The following AGAP1 variants were observed in gnomAD, a reference collection of about 807,000 sequenced individuals.
The protein encoded by AGAP1 is arf-GAP with GTPase, ANK repeat and PH domain-containing protein 1.
In AGAP1, 29 loss-of-function variants were observed where a neutral mutation model predicts 105.3. The ratio of observed to expected loss-of-function variants is 0.28; its 90% CI spans 0.21 to 0.38. AGAP1 has a LOEUF of 0.38. Ranked by LOEUF, AGAP1 falls within the 10% of genes least tolerant of loss-of-function variation. The pLI, the probability that AGAP1 is intolerant of heterozygous loss-of-function variation, is 1.00. For synonymous variants in AGAP1, 509 were observed against 485.9 expected, an observed-to-expected ratio of 1.05 and a Z score of -0.63; for missense variants, 998 against 1,165.1, an observed-to-expected ratio of 0.86 and a Z score of 2.09.
intron 16 of AGAP1, among the ~76,000 whole-genome samples, chr2:236,079,522 C>T (rs959908141): frequency 6.1e-5 from 9 of 148,474 alleles, no homozygotes; most frequent in African/African-American, 2.0e-4. Flanking sequence ...TGACAGAGAC[C>T]TCGTCTCAAA....
chr2:235,647,821 G>A (rs988796400), intron 1 of AGAP1, among the ~76,000 whole-genome samples: 5 of 152,086 alleles, frequency 3.3e-5, no homozygotes, highest in Admixed American at 3.3e-4. Flanking sequence ...TGACCAGTGT[G>A]TGGAGACCCT....
Position 235,963,322 on chromosome 2 carries a change from C to T in AGAP1, c.1484-5140C>T, listed in dbSNP as rs1171636011. Among the ~76,000 whole-genome samples, 5 of 152,112 alleles carry T rather than the reference C, an allele frequency of 3.3e-5. No homozygotes were observed. Among genetic ancestry groups the T allele is most frequent in the African/African-American group, 1.2e-4 (5 of 41,406 alleles). ...GACGTGCCATTTTGATTTCCAGAAA[C>T]GTGAATTCTGAGCTAGATGCCAGTG... On this transcript the variant is annotated intron_variant, in intron 12 of 17. Transcript: ENST00000304032. The surrounding 1 kb of genome is among the most constrained non-coding windows in gnomAD (Gnocchi z 5.1).
At position 236,050,711 on chromosome 2, in the gene AGAP1, C is replaced by G. The variant is rs2057872389; in HGVS notation, c.2114+1430C>G. On this transcript the variant is annotated intron_variant, in intron 16 of 17. Coordinates refer to ENST00000304032, the MANE Select transcript of AGAP1 (RefSeq NM_001037131.3). The surrounding 1 kb of genome is among the most constrained non-coding windows in gnomAD (Gnocchi z 4.0). Reference sequence around the variant, plus strand: ...TGAATGCAGAAAACATTGAAATAAGCTGGAAAAATCTATGCATCTTACTGT... The same window carrying G: ...TGAATGCAGAAAACATTGAAATAAGGTGGAAAAATCTATGCATCTTACTGT... Among the ~76,000 whole-genome samples, 1 of 152,080 alleles carries G rather than the reference C, an allele frequency of 6.6e-6. No individual in the cohort carries two copies. The highest frequency in any genetic ancestry group is 2.4e-5 in the African/African-American group (1 of 41,408).
chr2:235,831,063 C>T (rs182403120), intron 9 of AGAP1, among the ~76,000 whole-genome samples: 1 of 152,166 alleles, frequency 6.6e-6, no homozygotes, highest in East Asian at 1.9e-4. Flanking sequence ...CAGGAGCACA[C>T]CCCATGAGAG....
rs1211766701 is a variant in AGAP1 at position 235,936,389 on chromosome 2, C to T, written c.1483+5466C>T. Among the ~76,000 whole-genome samples the T allele has an allele frequency of 6.6e-6, 1 of 152,218 alleles. No individual in the cohort carries two copies. The highest frequency in any genetic ancestry group is 1.5e-5 in the Non-Finnish European group (1 of 68,052). On this transcript the variant is annotated intron_variant, in intron 12 of 17. Transcript: ENST00000304032. This position sits in a 1 kb window ranked among gnomAD's most constrained non-coding sequence, Gnocchi z 4.7. ...TCCAGTAGACTCTGTGGTTATAAAG[C>T]AGCCGATCCTCAATGGAAAGCATTT...
chr2:235,663,328 C>T lies in AGAP1; in HGVS notation c.164-45851C>T, dbSNP rs181477880. On this transcript the variant is annotated intron_variant, in intron 1 of 17. Coordinates refer to ENST00000304032, the MANE Select transcript of AGAP1 (RefSeq NM_001037131.3). The surrounding 1 kb of genome is among the most constrained non-coding windows in gnomAD (Gnocchi z 5.4). ...CTGTCTCAAAAAAAAAGAAGGGGAG[C>T]GATCACGTGCATCCCTCTGCTGAGA... Among the ~76,000 whole-genome samples the T allele has an allele frequency of 1.3e-5, 2 of 152,074 alleles. No individual in the cohort carries two copies. The highest frequency in any genetic ancestry group is 1.5e-5 in the Non-Finnish European group (1 of 68,014).
rs778241352 is a variant in AGAP1 at position 235,979,307 on chromosome 2, G to A, written c.1645+10684G>A. ...TTTTTAAGGGCAGTTTGAGGTTGGAGGGAGGAGGGTGGTGATTGATTAAGC... is the reference window on the plus strand; with the variant it reads ...TTTTTAAGGGCAGTTTGAGGTTGGAAGGAGGAGGGTGGTGATTGATTAAGC... On this transcript the variant is annotated intron_variant, in intron 13 of 17. Coordinates refer to ENST00000304032, the MANE Select transcript of AGAP1 (RefSeq NM_001037131.3). The surrounding 1 kb of genome is among the most constrained non-coding windows in gnomAD (Gnocchi z 4.5). Among the ~76,000 whole-genome samples, 1 of 152,076 alleles carries A rather than the reference G, an allele frequency of 6.6e-6. No individual in the cohort carries two copies. Among genetic ancestry groups the A allele is most frequent in the Non-Finnish European group, 1.5e-5 (1 of 68,002 alleles).
At position 235,919,878 on chromosome 2, in the gene AGAP1, T is replaced by C. The variant is rs772586593; in HGVS notation, c.1325-10887T>C. Among the ~76,000 whole-genome samples, 8 of 152,208 alleles carry C rather than the reference T, an allele frequency of 5.3e-5. No individual in the cohort carries two copies. Among genetic ancestry groups the C allele is most frequent in the Non-Finnish European group, 1.2e-4 (8 of 68,044 alleles). On this transcript the variant is annotated intron_variant, in intron 11 of 17. Transcript: ENST00000304032. This position sits in a 1 kb window ranked among gnomAD's most constrained non-coding sequence, Gnocchi z 4.1. ...CCTCGCTGTTGCATCAGCTTGTCCATATAACCCATACCAGGAGATGGATTG... is the reference window on the plus strand; with the variant it reads ...CCTCGCTGTTGCATCAGCTTGTCCACATAACCCATACCAGGAGATGGATTG...
chr2:236,084,799 G>C (rs1244529398), intron 16 of AGAP1, among the ~76,000 whole-genome samples: 2 of 152,064 alleles, frequency 1.3e-5, no homozygotes, highest in African/African-American at 4.8e-5. Context: ...AGCTATTCGG[G>C]AGGCTGAGGT....
At chr2:236,049,343 T>G in intron 16 of AGAP1, 62 bp downstream of exon 16, 1 of 1,479,008 alleles carries the variant, frequency 6.8e-7, no homozygotes, top group South Asian at 1.2e-5. Context: ...CAACTGGAAG[T>G]GATCATAATG....
intron 16 of AGAP1, among the ~76,000 whole-genome samples, chr2:236,106,362 G>C (rs567902863): frequency 2.4e-4 from 37 of 152,226 alleles, no homozygotes; most frequent in Non-Finnish European, 4.7e-4. Flanking sequence ...GCTCACCAGA[G>C]CCGGCCTAAG....
At chr2:235,511,952 ATG>A (rs1183557567) in intron 1 of AGAP1, among the ~76,000 whole-genome samples, 10 of 145,364 alleles carry the variant, frequency 6.9e-5, no homozygotes, top group Admixed American at 2.8e-4. Context: ...GTGGGTGTGA[ATG>A]TGTGTGTAAA....
chr2:236,085,005 G>A (rs1413268790), intron 16 of AGAP1, among the ~76,000 whole-genome samples: 1 of 151,666 alleles, frequency 6.6e-6, no homozygotes, highest in Non-Finnish European at 1.5e-5. Context: ...ACAAGCTCAG[G>A]AGTTCAAGAC....
rs1156331493 is a variant in AGAP1 at position 235,983,952 on chromosome 2, C to T, written c.1645+15329C>T. 1.3e-5 allele frequency among the ~76,000 whole-genome samples: 2 copies of T among 152,154 alleles called. No homozygotes were observed. The highest frequency in any genetic ancestry group is 6.5e-5 in the Admixed American group (1 of 15,268). Reference sequence around the variant, plus strand: ...TTGTTTTTAAGTGTTCAATTCAGTGCCGTTGAATTATATTTTCACATTCAC... The same window carrying T: ...TTGTTTTTAAGTGTTCAATTCAGTGTCGTTGAATTATATTTTCACATTCAC... On this transcript the variant is annotated intron_variant, in intron 13 of 17. Coordinates refer to ENST00000304032, the MANE Select transcript of AGAP1 (RefSeq NM_001037131.3). The surrounding 1 kb of genome is among the most constrained non-coding windows in gnomAD (Gnocchi z 4.5).
intron 6 of AGAP1, among the ~76,000 whole-genome samples, chr2:235,786,794 G>T (rs187156158): frequency 1.3e-3 from 204 of 152,306 alleles, no homozygotes; most frequent in African/African-American, 4.1e-3. Flanking sequence ...TCTTGAAGAA[G>T]CACCTCATTA....
intron 1 of AGAP1, chr2:235,670,883 C>CACCG: frequency 7.4e-7 from 1 of 1,359,866 alleles, no homozygotes. Context: ...GGCCTCGGAG[C>CACCG]ACCGGCTGCT....
At position 235,977,589 on chromosome 2, in the gene AGAP1, T is replaced by C. The variant is rs1262252498; in HGVS notation, c.1645+8966T>C. Among the ~76,000 whole-genome samples, 3 of 152,118 alleles carry C rather than the reference T, an allele frequency of 2.0e-5. No homozygotes were observed. The highest frequency in any genetic ancestry group is 7.2e-5 in the African/African-American group (3 of 41,424). On this transcript the variant is annotated intron_variant, in intron 13 of 17. Transcript: ENST00000304032. This position sits in a 1 kb window ranked among gnomAD's most constrained non-coding sequence, Gnocchi z 5.2. ...ATGTTCCCACGCTCTGTTAGACACA[T>C]GCGGCCTGGGCTTCAGGAAGTAGAG...
intron 12 of AGAP1, among the ~76,000 whole-genome samples, chr2:235,942,067 A>G (rs1449330786): frequency 6.6e-6 from 1 of 152,124 alleles, no homozygotes; most frequent in African/African-American, 2.4e-5. Flanking sequence ...GACTCAAGAT[A>G]CCCAAGCTCA....
Position 235,615,124 on chromosome 2 carries a change from G to T in AGAP1, c.164-94055G>T, listed in dbSNP as rs1405122600. ...CCTGACTCCTCCGCGCAGGGAATGA[G>T]CAGCCTCTGCTCCTTCATTTGATTG... On this transcript the variant is annotated intron_variant, in intron 1 of 17. Transcript: ENST00000304032. The surrounding 1 kb of genome is among the most constrained non-coding windows in gnomAD (Gnocchi z 5.0). Among the ~76,000 whole-genome samples, 4 of 152,238 alleles carry T rather than the reference G, an allele frequency of 2.6e-5. No homozygotes were observed. Among genetic ancestry groups the T allele is most frequent in the Non-Finnish European group, 1.5e-5 (1 of 68,040 alleles).
Sources: gnomAD v4.1 joint callset for allele counts (sites outside exome capture counted in the v4.1 genomes callset) on GRCh38, gnomAD v4.1.1 for gene constraint, Gnocchi (gnomAD v3.1) non-coding constraint, MANE v1.5 for transcripts, NCBI Gene and HGNC (gene_info 2026-07-23, HGNC 2026-07-21) for gene names.